Variants in SORCS3 observed in about 807,000 individuals in gnomAD.
SORCS3 encodes the protein VPS10 domain-containing receptor SorCS3.
In SORCS3, 57 loss-of-function variants were observed where a neutral mutation model predicts 146.3. The ratio of observed to expected loss-of-function variants is 0.39; its 90% CI spans 0.31 to 0.49. The LOEUF is 0.49. SORCS3 is among the 20% of genes least tolerant of loss of function. The pLI is 0.92. For synonymous variants in SORCS3, 653 were observed against 618.5 expected (o/e 1.06, Z -0.83); for missense variants, 1,341 against 1,575.5 (o/e 0.85, Z 2.52).
In SORCS3 at chr10:105,214,507, A is replaced by G. The variant is rs2056653576; in HGVS notation, c.2441A>G (p.Gln814Arg). Residue 814 changes from glutamine (Q) to arginine (R), a missense_variant, in exon 18 of 27, where the codon CAG becomes CGG. Physicochemically the swap from Gln to Arg is conservative, Grantham distance 43. Transcript: ENST00000369701. ...GLREKYTAKA[Q>R]MCPGKAPRGL... ...AGGGAGAAGTACACCGCCAAGGCCC[A>G]GATGTGCCCTGGAAAAGCCCCTCGG... 6.2e-7 allele frequency: 1 copy of G among 1,614,188 alleles called. No homozygotes were observed. The highest frequency in any genetic ancestry group is 8.5e-7 in the Non-Finnish European group (1 of 1,180,008).
intron 5 of SORCS3, among the ~76,000 whole-genome samples, chr10:105,064,601 G>T: frequency 6.6e-6 from 1 of 150,848 alleles, no homozygotes; most frequent in East Asian, 1.9e-4. Flanking sequence ...CTGGGCGGGG[G>T]GTTGCTGGTT....
At chr10:105,221,195 C>T (rs187946640) in intron 19 of SORCS3, among the ~76,000 whole-genome samples, 1 of 152,284 alleles carries the variant, frequency 6.6e-6, no homozygotes, top group East Asian at 1.9e-4. Flanking sequence ...GGGCATCCAT[C>T]CCCCTCAAGC....
intron 2 of SORCS3, among the ~76,000 whole-genome samples, chr10:104,847,483 A>G (rs763521675): frequency 1.6e-4 from 25 of 152,282 alleles, no homozygotes; most frequent in Non-Finnish European, 2.6e-4. Context: ...ATGACTGTTC[A>G]TCAAGGGTCC....
At chr10:104,782,074 C>G (rs1402374095) in intron 1 of SORCS3, among the ~76,000 whole-genome samples, 1 of 152,200 alleles carries the variant, frequency 6.6e-6, no homozygotes, top group Admixed American at 6.5e-5. Flanking sequence ...TTGGGCTGAA[C>G]TTTTCCTCCA....
At chr10:104,905,345 C>A (rs934961803) in intron 2 of SORCS3, among the ~76,000 whole-genome samples, 1 of 152,016 alleles carries the variant, frequency 6.6e-6, no homozygotes, top group African/African-American at 2.4e-5. Context: ...TTCTTCTTGC[C>A]TGTGTTGGAA....
intron 6 of SORCS3, among the ~76,000 whole-genome samples, chr10:105,094,590 T>G (rs2055732891): frequency 6.6e-6 from 1 of 152,184 alleles, no homozygotes; most frequent in East Asian, 1.9e-4. Flanking sequence ...GCTTCTAGAC[T>G]TGTATTTGAA....
intron 16 of SORCS3, among the ~76,000 whole-genome samples, chr10:105,209,573 G>A (rs868111706): frequency 1.3e-5 from 2 of 152,130 alleles, no homozygotes; most frequent in Admixed American, 6.6e-5. Context: ...AATTATCCCT[G>A]CTCTTTTGTA....
chr10:104,645,768 G>T (rs2015488436), intron 1 of SORCS3, among the ~76,000 whole-genome samples: 1 of 152,106 alleles, frequency 6.6e-6, no homozygotes, highest in Non-Finnish European at 1.5e-5. Flanking sequence ...TAATTCAGCT[G>T]GACTGTGTTC....
At chr10:105,219,501 A>C (rs2056686096) in intron 19 of SORCS3, among the ~76,000 whole-genome samples, 1 of 152,198 alleles carries the variant, frequency 6.6e-6, no homozygotes, top group Non-Finnish European at 1.5e-5. Context: ...CAGTTTAGGC[A>C]GAGTGAACCA....
chr10:104,673,622 AT>A (rs751783344), intron 1 of SORCS3, among the ~76,000 whole-genome samples: 11 of 150,800 alleles, frequency 7.3e-5, no homozygotes, highest in East Asian at 3.9e-4. Flanking sequence ...TAATTTTTAA[AT>A]TTTTTTTTGG....
At chr10:104,957,016 T>C (rs1347945422) in intron 3 of SORCS3, among the ~76,000 whole-genome samples, 2 of 152,154 alleles carry the variant, frequency 1.3e-5, no homozygotes, top group African/African-American at 4.8e-5. Flanking sequence ...TATTCTCAAT[T>C]ATCTCTTGTC....
chr10:104,701,413 A>G (rs1036089269), intron 1 of SORCS3, among the ~76,000 whole-genome samples: 1 of 152,192 alleles, frequency 6.6e-6, no homozygotes, highest in Non-Finnish European at 1.5e-5. Flanking sequence ...AGTTTTCTTA[A>G]CAATCGGTCT....
At chr10:105,032,127 G>A (rs1280947945) in intron 4 of SORCS3, among the ~76,000 whole-genome samples, 1 of 152,172 alleles carries the variant, frequency 6.6e-6, no homozygotes, top group Non-Finnish European at 1.5e-5. Context: ...GGAAGACAGA[G>A]GTTGCAGTGA....
intron 4 of SORCS3, among the ~76,000 whole-genome samples, chr10:104,987,532 G>A (rs2054969308): frequency 6.6e-6 from 1 of 152,174 alleles, no homozygotes; most frequent in Admixed American, 6.6e-5. Flanking sequence ...GAAGGAGTAT[G>A]TTGTAGAAGA....
chr10:105,051,633 A>G (rs540202449), intron 5 of SORCS3, among the ~76,000 whole-genome samples: 12 of 152,194 alleles, frequency 7.9e-5, no homozygotes, highest in African/African-American at 2.9e-4. Context: ...CTTTTCAAAC[A>G]AAGTTAACAT....
intron 2 of SORCS3, among the ~76,000 whole-genome samples, chr10:104,866,130 G>A (rs2018456722): frequency 6.6e-6 from 1 of 152,184 alleles, no homozygotes; most frequent in African/African-American, 2.4e-5. Context: ...TTGAGGAAGC[G>A]AAGTGACGTT....
intron 2 of SORCS3, among the ~76,000 whole-genome samples, chr10:104,909,839 C>G (rs2018948096): frequency 6.6e-6 from 1 of 151,034 alleles, no homozygotes; most frequent in Non-Finnish European, 1.5e-5. Context: ...CCACCAGCCT[C>G]TCCCCGAGAA....
chr10:105,012,435 T>C (rs911162188), intron 4 of SORCS3, among the ~76,000 whole-genome samples: 10 of 152,124 alleles, frequency 6.6e-5, no homozygotes, highest in Admixed American at 1.3e-4. Flanking sequence ...TGGTGAATGT[T>C]CTCTTGTCCT....
Position 105,026,930 on chromosome 10 carries a change from C to T in SORCS3, c.955-16125C>T, listed in dbSNP as rs539311862. ...AATTGTACCCCAAACCTCAGCATCACACAGTATACCCCTTTAAATCTGCAT... is the reference window on the plus strand; with the variant it reads ...AATTGTACCCCAAACCTCAGCATCATACAGTATACCCCTTTAAATCTGCAT... On this transcript the variant is annotated intron_variant, in intron 4 of 26. Coordinates refer to ENST00000369701, the MANE Select transcript of SORCS3 (RefSeq NM_014978.3). Among the ~76,000 whole-genome samples the T allele has an allele frequency of 4.6e-5, 7 of 152,300 alleles. No homozygotes were observed. In the East Asian group the frequency reaches 1.4e-3, roughly 29 times the overall value.
Sources: gnomAD v4.1 joint callset for allele counts (sites outside exome capture counted in the v4.1 genomes callset) on GRCh38, gnomAD v4.1.1 for gene constraint, MANE v1.5 for transcripts, NCBI Gene and HGNC (gene_info 2026-07-23, HGNC 2026-07-21) for gene names.